Variants in THSD4 observed in about 807,000 individuals in gnomAD.
THSD4 encodes the protein thrombospondin type-1 domain-containing protein 4.
A neutral mutation model predicts 119.0 loss-of-function variants in THSD4; 69 were observed. The observed-to-expected ratio is 0.58, with a 90% CI of 0.48 to 0.71. The LOEUF (loss-of-function observed/expected upper bound fraction) is 0.71. THSD4 is among the 30% of genes least tolerant of loss of function. THSD4 has a pLI of 0.00. For synonymous variants in THSD4, 524 were observed against 540.4 expected (o/e 0.97, Z 0.42); for missense variants, 1,393 against 1,391.1 (o/e 1.00, Z -0.02).
intron 8 of THSD4, among the ~76,000 whole-genome samples, chr15:71,698,896 G>A (rs953251932): frequency 6.6e-6 from 1 of 151,994 alleles, no homozygotes; most frequent in African/African-American, 2.4e-5. Flanking sequence ...GAGTAGAGTG[G>A]TGGTTGCTAG....
At chr15:71,312,083 C>G (rs2045118229) in intron 6 of THSD4, among the ~76,000 whole-genome samples, 1 of 152,198 alleles carries the variant, frequency 6.6e-6, no homozygotes, top group Admixed American at 6.5e-5. Flanking sequence ...CTTTGTTTCC[C>G]TGCCCTCTGT....
Position 71,211,665 on chromosome 15 carries a change from C to T in THSD4, c.100-3370C>T, listed in dbSNP as rs144705681. Among the ~76,000 whole-genome samples the T allele has an allele frequency of 2.5e-3, 374 of 152,248 alleles. 2 individuals carry two copies. The highest frequency in any genetic ancestry group is 8.4e-3 in the African/African-American group (348 of 41,542). ...AGGTTCAGTCCACAACACCTGTGAA[C>T]CACCTGTTCATACCCTTAGATCCTG... On this transcript the variant is annotated intron_variant, in intron 3 of 17. Coordinates refer to ENST00000261862, the MANE Select transcript of THSD4 (RefSeq NM_024817.3).
At chr15:71,243,519 G>C (rs1262728223) in intron 5 of THSD4, among the ~76,000 whole-genome samples, 1 of 152,154 alleles carries the variant, frequency 6.6e-6, no homozygotes, top group African/African-American at 2.4e-5. Flanking sequence ...GAGTGAAGTT[G>C]TGAAGAGTCT....
At chr15:71,130,135 C>T (rs2040490322) in intron 1 of THSD4, among the ~76,000 whole-genome samples, 1 of 152,178 alleles carries the variant, frequency 6.6e-6, no homozygotes, top group African/African-American at 2.4e-5. Flanking sequence ...ACACAGGCAA[C>T]TCTCCTGAAA....
intron 7 of THSD4, among the ~76,000 whole-genome samples, chr15:71,448,868 TG>T (rs2140576145): frequency 1.3e-5 from 2 of 152,182 alleles, no homozygotes; most frequent in East Asian, 3.9e-4. Context: ...TCAGTCAGGG[TG>T]GTGAAAAGTT....
chr15:71,596,222 T>C (rs1279455106), intron 7 of THSD4, among the ~76,000 whole-genome samples: 1 of 152,138 alleles, frequency 6.6e-6, no homozygotes, highest in Admixed American at 6.5e-5. Flanking sequence ...TGCTGATGGG[T>C]TTGAGGGGAG....
chr15:71,259,654 C>T (rs912144237), intron 6 of THSD4, among the ~76,000 whole-genome samples: 3 of 152,146 alleles, frequency 2.0e-5, no homozygotes, highest in Non-Finnish European at 4.4e-5. Flanking sequence ...GATGCCTAGA[C>T]CCCTCCCCAG....
chr15:71,128,401 T>C (rs1416585553), intron 1 of THSD4, among the ~76,000 whole-genome samples: 1 of 151,762 alleles, frequency 6.6e-6, no homozygotes, highest in Non-Finnish European at 1.5e-5. Flanking sequence ...GTGGCACATG[T>C]CTGTAATCCC....
At chr15:71,099,232 T>G (rs2040244212) in intron 1 of THSD4, among the ~76,000 whole-genome samples, 1 of 152,294 alleles carries the variant, frequency 6.6e-6, no homozygotes. Flanking sequence ...CATGTACACT[T>G]GAAAGAAATG....
At chr15:71,307,856 C>G (rs2045052949) in intron 6 of THSD4, among the ~76,000 whole-genome samples, 2 of 152,182 alleles carry the variant, frequency 1.3e-5, no homozygotes, top group South Asian at 4.1e-4. Flanking sequence ...AAGGAGAAGG[C>G]ATATGGAGCC....
At chr15:71,274,840 A>G (rs1276854165) in intron 6 of THSD4, among the ~76,000 whole-genome samples, 1 of 152,182 alleles carries the variant, frequency 6.6e-6, no homozygotes, top group Non-Finnish European at 1.5e-5. Flanking sequence ...ACTTGAACCC[A>G]TGTCATTCTG....
At chr15:71,420,998 T>A (rs2046798433) in intron 7 of THSD4, among the ~76,000 whole-genome samples, 1 of 100,612 alleles carries the variant, frequency 9.9e-6, no homozygotes, top group Non-Finnish European at 2.1e-5. Flanking sequence ...TGAAACCCCA[T>A]CTCTACTAAA....
intron 6 of THSD4, among the ~76,000 whole-genome samples, chr15:71,325,881 C>T (rs774485239): frequency 9.9e-5 from 15 of 152,240 alleles, no homozygotes; most frequent in Middle Eastern, 3.4e-3. Context: ...ACATCAAAAC[C>T]AGAACCAAAA....
chr15:71,620,335 G>A (rs1388581993), intron 7 of THSD4, among the ~76,000 whole-genome samples: 1 of 152,118 alleles, frequency 6.6e-6, no homozygotes, highest in Admixed American at 6.5e-5. Context: ...GCTCATGCCT[G>A]TAATCCCAGA....
intron 7 of THSD4, among the ~76,000 whole-genome samples, chr15:71,611,431 C>G (rs574026038): frequency 6.6e-6 from 1 of 152,174 alleles, no homozygotes; most frequent in East Asian, 1.9e-4. Flanking sequence ...GCCCCTACCC[C>G]GGCAAAAACC....
intron 7 of THSD4, among the ~76,000 whole-genome samples, chr15:71,630,322 C>T (rs1049010372): frequency 6.6e-6 from 1 of 152,126 alleles, no homozygotes; most frequent in Non-Finnish European, 1.5e-5. Context: ...CACGGCACTG[C>T]CTTTGATCTT....
intron 3 of THSD4, chr15:71,187,464 GA>G (rs1193918972): frequency 6.6e-6 from 1 of 152,604 alleles, no homozygotes; most frequent in Non-Finnish European, 1.5e-5. Flanking sequence ...AACAAAACAG[GA>G]AAAGCTGCTT....
intron 7 of THSD4, among the ~76,000 whole-genome samples, chr15:71,584,236 T>C (rs2049616018): frequency 6.6e-6 from 1 of 150,684 alleles, no homozygotes; most frequent in Non-Finnish European, 1.5e-5. Context: ...TTGGTTACCA[T>C]TCACGTGGAT....
chr15:71,428,824 C>T (rs989938733), intron 7 of THSD4, among the ~76,000 whole-genome samples: 2 of 152,182 alleles, frequency 1.3e-5, no homozygotes, highest in Non-Finnish European at 2.9e-5. Context: ...TTTTCTACAT[C>T]TACAAGCCAA....
Sources: allele counts gnomAD v4.1 joint callset (sites outside exome capture counted in the v4.1 genomes callset), GRCh38; gene constraint gnomAD v4.1.1; transcripts MANE v1.5; gene names NCBI Gene and HGNC (gene_info 2026-07-23, HGNC 2026-07-21).